The following MED27 variants were observed in gnomAD, a reference collection of about 807,000 sequenced individuals.
The protein encoded by MED27 is mediator complex subunit 27.
A neutral mutation model predicts 38.2 loss-of-function variants in MED27; 30 were observed. The observed-to-expected ratio is 0.79, with a 90% CI of 0.59 to 1.07. The LOEUF is 1.07. Among genes scored for constraint, MED27 ranks in the 50% least tolerant of loss-of-function variants. MED27 has a pLI of 0.00. For missense variants in MED27, 289 were observed against 397.5 expected, an observed-to-expected ratio of 0.73 and a Z score of 2.32; for synonymous variants, 122 against 153.5, an observed-to-expected ratio of 0.79 and a Z score of 1.52.
chr9:131,997,992 T>A lies in MED27; in HGVS notation c.479+16345A>T, dbSNP rs1007958793. Among the ~76,000 whole-genome samples the A allele has an allele frequency of 4.6e-5, 7 of 152,180 alleles. No homozygotes were observed. The highest frequency in any genetic ancestry group is 1.7e-4 in the African/African-American group (7 of 41,444). On this transcript the variant is annotated intron_variant, in intron 3 of 7. Coordinates refer to ENST00000292035, the MANE Select transcript of MED27 (RefSeq NM_004269.4). This position sits in a 1 kb window ranked among gnomAD's most constrained non-coding sequence, Gnocchi z 4.0. ...GTAGAACAGAAATATCTGTTCCCAC[T>A]GGCTGATAAAGTCTTGCTGCTCTGC...
intron 2 of MED27, among the ~76,000 whole-genome samples, chr9:132,016,433 A>G (rs1832604377): frequency 6.6e-6 from 1 of 152,176 alleles, no homozygotes; most frequent in Non-Finnish European, 1.5e-5. Context: ...GAAAGGGGGG[A>G]GCATAATTTG....
chr9:131,986,166 T>C (rs955948497), intron 3 of MED27, among the ~76,000 whole-genome samples: 1 of 152,188 alleles, frequency 6.6e-6, no homozygotes, highest in Admixed American at 6.5e-5. Context: ...GAAAAAATGT[T>C]CTTACAGATT....
chr9:132,061,682 C>T (rs1444549630), intron 2 of MED27, among the ~76,000 whole-genome samples: 2 of 152,210 alleles, frequency 1.3e-5, no homozygotes, highest in Non-Finnish European at 2.9e-5. Context: ...AGCAGCAGGG[C>T]TGGCACCCAG....
chr9:131,908,964 C>T (rs1830139112), intron 4 of MED27, among the ~76,000 whole-genome samples: 1 of 152,122 alleles, frequency 6.6e-6, no homozygotes, highest in Non-Finnish European at 1.5e-5. Flanking sequence ...TTACCCAGCC[C>T]CTATTCAAGA....
chr9:132,050,100 C>T (rs1432851155), intron 2 of MED27, among the ~76,000 whole-genome samples: 1 of 152,158 alleles, frequency 6.6e-6, no homozygotes, highest in Non-Finnish European at 1.5e-5. Flanking sequence ...AACAATCCGT[C>T]ACCAAAAATC....
intron 6 of MED27, among the ~76,000 whole-genome samples, chr9:131,877,057 C>T (rs889560143): frequency 3.3e-5 from 5 of 152,214 alleles, no homozygotes; most frequent in Non-Finnish European, 7.3e-5. Context: ...GGGCCTTCAA[C>T]GACTCTGGGA....
chr9:132,079,260 C>G (rs1834121057), intron 1 of MED27, among the ~76,000 whole-genome samples: 1 of 152,128 alleles, frequency 6.6e-6, no homozygotes, highest in Non-Finnish European at 1.5e-5. Context: ...AGCCGACTGA[C>G]CAGGTCCTGT....
At chr9:131,863,625 C>T (rs995114791) in intron 6 of MED27, among the ~76,000 whole-genome samples, 1 of 146,320 alleles carries the variant, frequency 6.8e-6, no homozygotes, top group African/African-American at 2.8e-5. Context: ...CCATTTGTAG[C>T]CACACAGGAT....
chr9:132,047,027 T>C lies in MED27; in HGVS notation c.348+30415A>G, dbSNP rs150866121. Among the ~76,000 whole-genome samples, 45 of 152,320 alleles carry C rather than the reference T, an allele frequency of 3.0e-4. No individual in the cohort carries two copies. In the East Asian group the frequency reaches 4.2e-3, roughly 14 times the overall value. ...GCTTCATCCTTAAGCTGAACATGCA[T>C]AGGTTTCACCTTAGAGAGCGTATGT... On this transcript the variant is annotated intron_variant, in intron 2 of 7. Transcript: ENST00000292035.
At chr9:131,994,750 C>T (rs1030514905) in intron 3 of MED27, among the ~76,000 whole-genome samples, 1 of 152,188 alleles carries the variant, frequency 6.6e-6, no homozygotes, top group Non-Finnish European at 1.5e-5. Context: ...ACTTAGAGTT[C>T]TGACTTAGGG....
rs555955112 is a variant in MED27, at chr9:131,987,267, A to C, written c.479+27070T>G. On this transcript the variant is annotated intron_variant, in intron 3 of 7. Transcript: ENST00000292035. ...TAACTTCTTTTTTGTTTCTTTTACT[A>C]AGTGTATGAACAGGAAGATTTCAGA... 2.6e-5 allele frequency among the ~76,000 whole-genome samples: 4 copies of C among 152,136 alleles called. No individual in the cohort carries two copies. In the East Asian group the frequency reaches 7.7e-4, roughly 29 times the overall value.
At chr9:131,914,565 C>A (rs1368517684) in intron 4 of MED27, among the ~76,000 whole-genome samples, 1 of 152,206 alleles carries the variant, frequency 6.6e-6, no homozygotes, top group East Asian at 1.9e-4. Flanking sequence ...CAGTCTCTAT[C>A]CTCACAGAGC....
intron 4 of MED27, among the ~76,000 whole-genome samples, chr9:131,928,345 C>T (rs761822125): frequency 6.6e-6 from 1 of 152,120 alleles, no homozygotes; most frequent in African/African-American, 2.4e-5. Flanking sequence ...GACCATCCCC[C>T]CTGCAGGAAC....
At chr9:131,874,113 C>T (rs1307871609) in intron 6 of MED27, among the ~76,000 whole-genome samples, 1 of 152,212 alleles carries the variant, frequency 6.6e-6, no homozygotes, top group Non-Finnish European at 1.5e-5. Flanking sequence ...CCCCACCTTC[C>T]ATGGCAGCAA....
chr9:131,916,568 G>A (rs1470061126), intron 4 of MED27, among the ~76,000 whole-genome samples: 1 of 152,112 alleles, frequency 6.6e-6, no homozygotes, highest in East Asian at 1.9e-4. Flanking sequence ...ACTGTTCTTC[G>A]AACAACAAGG....
chr9:131,883,892 GTT>G lies in MED27; in HGVS notation c.723+164_723+165del, dbSNP rs1411304254. On this transcript the variant is annotated intron_variant, in intron 6 of 7. Coordinates refer to ENST00000292035, the MANE Select transcript of MED27 (RefSeq NM_004269.4). This position sits in a 1 kb window ranked among gnomAD's most constrained non-coding sequence, Gnocchi z 4.2. ...ATCTGATTTCTGTCCCTAAGGTTTT[GTT>G]TTTTTCCAGAATGTCATACATATGG... 2.1e-5 allele frequency: 13 copies of G among 613,536 alleles called. No homozygotes were observed. The highest frequency in any genetic ancestry group is 3.0e-5 in the Non-Finnish European group (11 of 362,890). The allele number at this position is 613,536 out of a possible 1,614,324, so 38.0% of individuals were successfully genotyped here.
chr9:132,001,854 A>T (rs1832242673), intron 3 of MED27, among the ~76,000 whole-genome samples: 1 of 152,234 alleles, frequency 6.6e-6, no homozygotes, highest in Non-Finnish European at 1.5e-5. Flanking sequence ...CTTCTGGAGC[A>T]GTGGTTCTGA....
intron 3 of MED27, among the ~76,000 whole-genome samples, chr9:131,949,084 T>A (rs552087619): frequency 6.6e-6 from 1 of 152,250 alleles, no homozygotes; most frequent in African/African-American, 2.4e-5. Context: ...ACAAATACCA[T>A]CACAAAATAG....
intron 3 of MED27, among the ~76,000 whole-genome samples, chr9:131,980,303 A>G (rs988600247): frequency 1.3e-5 from 2 of 152,194 alleles, no homozygotes; most frequent in African/African-American, 4.8e-5. Context: ...CACCAAGTTC[A>G]TTAAAAATCA....
Sources: gnomAD v4.1 joint callset for allele counts (sites outside exome capture counted in the v4.1 genomes callset) on GRCh38, gnomAD v4.1.1 for gene constraint, Gnocchi (gnomAD v3.1) non-coding constraint, MANE v1.5 for transcripts, NCBI Gene and HGNC (gene_info 2026-07-23, HGNC 2026-07-21) for gene names.